Variants in LRP1B observed in about 807,000 individuals in gnomAD.
The protein encoded by LRP1B is LDL receptor related protein 1B.
Under a neutral mutation model 556.6 loss-of-function variants are expected in LRP1B, and 217 were observed. The observed-to-expected ratio is 0.39, with a 90% CI of 0.35 to 0.44. The LOEUF (loss-of-function observed/expected upper bound fraction) is 0.44, where lower values mean the gene tolerates loss of function less well. LRP1B is among the 20% of genes least tolerant of loss of function. The probability of loss-of-function intolerance (pLI) is 1.00; values close to 1 mark genes in which losing one functional copy is unlikely to be tolerated. For synonymous variants in LRP1B, 2,047 were observed against 1,865.8 expected (o/e 1.10, Z -2.50); for missense variants, 5,053 against 5,620.8 (o/e 0.90, Z 3.23).
At chr2:140,823,619 A>G (rs939862229) in intron 31 of LRP1B, among the ~76,000 whole-genome samples, 1 of 152,080 alleles carries the variant, frequency 6.6e-6, no homozygotes, top group African/African-American at 2.4e-5. Flanking sequence ...TTACAATGAC[A>G]TGGACTACTT....
At chr2:141,762,590 A>G (rs1052309310) in intron 2 of LRP1B, among the ~76,000 whole-genome samples, 2 of 152,132 alleles carry the variant, frequency 1.3e-5, no homozygotes, top group African/African-American at 4.8e-5. Flanking sequence ...AAAATGAGAA[A>G]CAAGGCAGGA....
intron 1 of LRP1B, among the ~76,000 whole-genome samples, chr2:141,821,080 G>A (rs901584892): frequency 1.3e-5 from 2 of 152,206 alleles, no homozygotes; most frequent in Non-Finnish European, 2.9e-5. Flanking sequence ...AGGGAGCCAA[G>A]CATCAAGGAA....
chr2:141,880,472 C>A (rs192093020), intron 1 of LRP1B, among the ~76,000 whole-genome samples: 14 of 151,206 alleles, frequency 9.3e-5, no homozygotes, highest in African/African-American at 2.7e-4. Flanking sequence ...TATCATACAA[C>A]GAAAAAGAAA....
rs200370227 is a variant in LRP1B, at chr2:141,810,421, G to A, written c.83-20C>T. ...GCTGATCTGAAAATGAAAATGTTTCGAAATAAAATATGAATGATCTGAACA... is the reference window on the plus strand; with the variant it reads ...GCTGATCTGAAAATGAAAATGTTTCAAAATAAAATATGAATGATCTGAACA... On this transcript the variant is annotated intron_variant, in intron 1 of 90. Transcript: ENST00000389484. The A allele has an allele frequency of 8.4e-5, 135 of 1,610,820 alleles. No homozygotes were observed. In the African/African-American group the frequency reaches 1.1e-3, roughly 14 times the overall value.
In LRP1B at chr2:141,490,097, T is replaced by C. The variant is rs116719530; in HGVS notation, c.206-9564A>G. Among the ~76,000 whole-genome samples, 265 of 152,278 alleles carry C rather than the reference T, an allele frequency of 1.7e-3. 2 individuals are homozygous for C. The highest frequency in any genetic ancestry group is 6.2e-3 in the African/African-American group (256 of 41,578). On this transcript the variant is annotated intron_variant, in intron 2 of 90. Coordinates refer to ENST00000389484, the MANE Select transcript of LRP1B (RefSeq NM_018557.3). ...TTTTAAAGCCCTGGGAAAGGAGTTA[T>C]TGTAGCTTTGATAATTTGTTTTAGG... is the stretch of plus-strand genomic sequence containing the variant.
chr2:142,073,129 T>C (rs1295890051), intron 1 of LRP1B, among the ~76,000 whole-genome samples: 3 of 152,038 alleles, frequency 2.0e-5, no homozygotes, highest in Non-Finnish European at 4.4e-5. Flanking sequence ...ATTAGTCTAA[T>C]ACACTATCAT....
chr2:140,244,776 T>C (rs967514374), intron 87 of LRP1B, among the ~76,000 whole-genome samples: 2 of 140,594 alleles, frequency 1.4e-5, no homozygotes, highest in Non-Finnish European at 3.0e-5. Context: ...ACAGAGGCAG[T>C]GTATTCTGGA....
intron 11 of LRP1B, among the ~76,000 whole-genome samples, chr2:141,033,823 A>C (rs927201174): frequency 6.6e-6 from 1 of 152,184 alleles, no homozygotes; most frequent in African/African-American, 2.4e-5. Flanking sequence ...ACTGTGAACA[A>C]TAAATGTTTT....
intron 3 of LRP1B, among the ~76,000 whole-genome samples, chr2:141,438,577 T>A (rs1680849261): frequency 6.6e-6 from 1 of 152,150 alleles, no homozygotes. Context: ...CTAAAAGGGA[T>A]GGCATCTCTT....
intron 43 of LRP1B, among the ~76,000 whole-genome samples, chr2:140,559,607 C>T (rs1266878223): frequency 5.3e-5 from 8 of 151,994 alleles, no homozygotes; most frequent in South Asian, 4.2e-4. Context: ...GAAAAACTGA[C>T]GAGGCATGTC....
At chr2:141,795,777 C>A (rs1695783113) in intron 2 of LRP1B, among the ~76,000 whole-genome samples, 1 of 143,248 alleles carries the variant, frequency 7.0e-6, no homozygotes, top group African/African-American at 2.5e-5. Flanking sequence ...CAGGCTGAAC[C>A]AGTTTTAATT....
At chr2:141,160,819 C>A (rs905403950) in intron 7 of LRP1B, among the ~76,000 whole-genome samples, 1 of 148,432 alleles carries the variant, frequency 6.7e-6, no homozygotes, top group Admixed American at 6.8e-5. Context: ...TGTTCAATAT[C>A]TTTATTTTGG....
chr2:141,544,319 C>CTTCTTCTTCTT lies in LRP1B; in HGVS notation c.206-63797_206-63787dup, dbSNP rs1168523856. Among the ~76,000 whole-genome samples, 420 of 42,594 alleles carry CTTCTTCTTCTT rather than the reference C, an allele frequency of 9.9e-3. 22 individuals are homozygous for CTTCTTCTTCTT. Among genetic ancestry groups the CTTCTTCTTCTT allele is most frequent in the East Asian group, 0.045 (39 of 860 alleles). The allele number at this position is 42,594 out of a possible 152,430, so 27.9% of individuals were successfully genotyped here. A position where few individuals can be genotyped will look rare whatever the true frequency, so the allele number is the denominator to read the frequency against. On this transcript the variant is annotated intron_variant, in intron 2 of 90. Coordinates refer to ENST00000389484, the MANE Select transcript of LRP1B (RefSeq NM_018557.3). ...CACTCTTCTTCTTCTTCTTCTTCTT[C>CTTCTTCTTCTT]TTCTTCTTCTTCTTCTTCTTCTTCT... is the stretch of plus-strand genomic sequence containing the variant.
chr2:140,817,033 G>T (rs1691148472), intron 31 of LRP1B, among the ~76,000 whole-genome samples: 1 of 152,078 alleles, frequency 6.6e-6, no homozygotes, highest in Admixed American at 6.6e-5. Flanking sequence ...AAACTACTCA[G>T]TGATGTCAGA....
At chr2:140,307,719 T>C (rs1051731131) in intron 83 of LRP1B, among the ~76,000 whole-genome samples, 1 of 151,778 alleles carries the variant, frequency 6.6e-6, no homozygotes, top group Non-Finnish European at 1.5e-5. Flanking sequence ...TTCAGTAATA[T>C]AGTCATAGTC....
chr2:140,368,397 G>A (rs1045120615), intron 71 of LRP1B, among the ~76,000 whole-genome samples: 14 of 151,830 alleles, frequency 9.2e-5, no homozygotes, highest in East Asian at 7.8e-4. Flanking sequence ...AAGCTTTAAT[G>A]CATGATAATA....
At chr2:141,549,314 G>T (rs62169790) in intron 2 of LRP1B, among the ~76,000 whole-genome samples, 1 of 152,050 alleles carries the variant, frequency 6.6e-6, no homozygotes, top group African/African-American at 2.4e-5. Context: ...TAGGATAGAA[G>T]CTGGCACAAA....
intron 3 of LRP1B, among the ~76,000 whole-genome samples, chr2:141,265,098 C>A (rs781647538): frequency 2.6e-5 from 4 of 152,188 alleles, no homozygotes; most frequent in African/African-American, 9.7e-5. Flanking sequence ...TCTCTCGAGA[C>A]TCCCATGTCC....
intron 16 of LRP1B, among the ~76,000 whole-genome samples, chr2:140,990,066 G>T (rs1256603390): frequency 6.6e-6 from 1 of 152,062 alleles, no homozygotes; most frequent in Non-Finnish European, 1.5e-5. Context: ...AATTAGCCAG[G>T]CATGGTGGCG....
Sources: gnomAD v4.1 joint callset for allele counts (sites outside exome capture counted in the v4.1 genomes callset) on GRCh38, gnomAD v4.1.1 for gene constraint, MANE v1.5 for transcripts, NCBI Gene and HGNC (gene_info 2026-07-23, HGNC 2026-07-21) for gene names.